CTNNA3: variants seen among roughly 807,000 people sequenced by gnomAD.
The protein encoded by CTNNA3 is catenin alpha-3.
A neutral mutation model predicts 95.7 loss-of-function variants in CTNNA3; 76 were observed. The observed-to-expected ratio is 0.79, with a 90% confidence interval of 0.66 to 0.96. The LOEUF is 0.96. Ranked by LOEUF, CTNNA3 falls within the 40% of genes least tolerant of loss-of-function variation. The pLI is 0.00. For missense variants in CTNNA3, 1,191 were observed against 1,089.8 expected (o/e 1.09, Z -1.31); for synonymous variants, 431 against 374.4 (o/e 1.15, Z -1.74).
intron 5 of CTNNA3, among the ~76,000 whole-genome samples, chr10:67,429,936 C>T (rs1162838525): frequency 6.6e-5 from 10 of 151,884 alleles, no homozygotes. Flanking sequence ...CTCTCTCACT[C>T]GACACAAACC....
At chr10:66,650,897 G>C (rs1294411261) in intron 9 of CTNNA3, among the ~76,000 whole-genome samples, 4 of 152,166 alleles carry the variant, frequency 2.6e-5, no homozygotes, top group Non-Finnish European at 5.9e-5. Flanking sequence ...AAAGAACAAG[G>C]CTTCCACAGC....
intron 7 of CTNNA3, among the ~76,000 whole-genome samples, chr10:67,148,100 T>C (rs1366015405): frequency 1.3e-5 from 2 of 152,156 alleles, no homozygotes; most frequent in Non-Finnish European, 2.9e-5. Context: ...GTTCCATTAA[T>C]TATCACTTGC....
chr10:67,338,410 C>T (rs1375990349), intron 5 of CTNNA3, among the ~76,000 whole-genome samples: 1 of 152,060 alleles, frequency 6.6e-6, no homozygotes, highest in Non-Finnish European at 1.5e-5. Context: ...GAGGGACCTG[C>T]CCCCATGATC....
chr10:66,389,460 A>G (rs1228359685), intron 11 of CTNNA3, among the ~76,000 whole-genome samples: 1 of 152,100 alleles, frequency 6.6e-6, no homozygotes, highest in African/African-American at 2.4e-5. Flanking sequence ...AGAGCAGACA[A>G]TTGGTGAATT....
In CTNNA3 at chr10:65,920,283, G is replaced by C; in HGVS notation, c.*47C>G. On this transcript the variant is annotated 3_prime_UTR_variant, in exon 18 of 18. Coordinates refer to ENST00000433211, the MANE Select transcript of CTNNA3 (RefSeq NM_013266.4). ...CTTAAGTGTAAAATAAAGCAGTGTG[G>C]TTAGGCAGGATTTTGTCATATAGGC... The C allele has an allele frequency of 6.7e-7, 1 of 1,496,532 alleles. No homozygotes were observed. The highest frequency in any genetic ancestry group is 1.4e-5 in the African/African-American group (1 of 71,596). 92.7% of individuals were successfully genotyped at this position (1,496,532 alleles called of 1,614,324 possible). A position where few individuals can be genotyped will look rare whatever the true frequency, so the allele number is the denominator to read the frequency against.
intron 7 of CTNNA3, among the ~76,000 whole-genome samples, chr10:66,814,676 A>G (rs1385446265): frequency 1.3e-5 from 2 of 151,988 alleles, no homozygotes; most frequent in Non-Finnish European, 2.9e-5. Context: ...AGGTGGGAGT[A>G]TTGCTTGAGC....
At chr10:67,337,110 C>A (rs1842023284) in intron 5 of CTNNA3, among the ~76,000 whole-genome samples, 1 of 152,044 alleles carries the variant, frequency 6.6e-6, no homozygotes, top group Admixed American at 6.6e-5. Flanking sequence ...ATAGTAATTC[C>A]TATGATGGAC....
At chr10:66,474,043 T>C (rs945285491) in intron 11 of CTNNA3, among the ~76,000 whole-genome samples, 3 of 151,622 alleles carry the variant, frequency 2.0e-5, no homozygotes, top group East Asian at 1.9e-4. Context: ...TAAAGGGATG[T>C]TATAGCAGTG....
At chr10:66,501,728 C>T (rs1840284524) in intron 11 of CTNNA3, among the ~76,000 whole-genome samples, 1 of 152,082 alleles carries the variant, frequency 6.6e-6, no homozygotes, top group Non-Finnish European at 1.5e-5. Context: ...TTCATATACT[C>T]AGAGTAAGAA....
intron 11 of CTNNA3, among the ~76,000 whole-genome samples, chr10:66,496,012 GACA>G (rs1484615171): frequency 6.6e-6 from 1 of 152,070 alleles, no homozygotes; most frequent in Non-Finnish European, 1.5e-5. Context: ...ATGCAGTAAT[GACA>G]ACAATCTAAG....
At chr10:66,335,104 C>T (rs2132334448) in intron 12 of CTNNA3, among the ~76,000 whole-genome samples, 1 of 152,194 alleles carries the variant, frequency 6.6e-6, no homozygotes, top group Non-Finnish European at 1.5e-5. Context: ...GACTTCTCTG[C>T]ATTGGTTATT....
At chr10:66,499,865 C>T (rs1236930874) in intron 11 of CTNNA3, among the ~76,000 whole-genome samples, 2 of 149,764 alleles carry the variant, frequency 1.3e-5, no homozygotes, top group Admixed American at 1.3e-4. Context: ...TGCAGTGGCA[C>T]GATCTCCGCT....
intron 7 of CTNNA3, among the ~76,000 whole-genome samples, chr10:66,840,511 AC>A (rs1449195150): frequency 6.6e-6 from 1 of 152,006 alleles, no homozygotes; most frequent in Non-Finnish European, 1.5e-5. Flanking sequence ...TATTCTCAGC[AC>A]CTGATGTACC....
At chr10:66,278,970 A>T in intron 13 of CTNNA3, among the ~76,000 whole-genome samples, 1 of 152,218 alleles carries the variant, frequency 6.6e-6, no homozygotes, top group African/African-American at 2.4e-5. Flanking sequence ...CTGCCCAGAC[A>T]TAGTCATTGG....
At chr10:67,467,509 T>C (rs1447101003) in intron 5 of CTNNA3, among the ~76,000 whole-genome samples, 2 of 152,146 alleles carry the variant, frequency 1.3e-5, no homozygotes, top group Non-Finnish European at 2.9e-5. Flanking sequence ...CTAGGCATCA[T>C]TTCACACATC....
chr10:67,468,595 C>G (rs149858402), intron 5 of CTNNA3, among the ~76,000 whole-genome samples: 1 of 152,206 alleles, frequency 6.6e-6, no homozygotes, highest in African/African-American at 2.4e-5. Context: ...TACAAGCCTT[C>G]TAACTAGTTC....
chr10:66,849,355 T>C (rs1843396824), intron 7 of CTNNA3, among the ~76,000 whole-genome samples: 1 of 152,190 alleles, frequency 6.6e-6, no homozygotes, highest in Non-Finnish European at 1.5e-5. Context: ...GTTAATGTGC[T>C]TTTAAATTTT....
chr10:67,003,315 A>C, intron 7 of CTNNA3, among the ~76,000 whole-genome samples: 1 of 152,142 alleles, frequency 6.6e-6, no homozygotes, highest in East Asian at 1.9e-4. Flanking sequence ...CTTTAACCCT[A>C]ATACTGAGTA....
intron 13 of CTNNA3, among the ~76,000 whole-genome samples, chr10:66,273,585 A>G (rs1165355258): frequency 3.3e-5 from 5 of 152,196 alleles, no homozygotes; most frequent in African/African-American, 1.2e-4. Flanking sequence ...TTAAAAATTG[A>G]GTTTCAAAAC....
Sources: gnomAD v4.1 joint callset for allele counts (sites outside exome capture counted in the v4.1 genomes callset) on GRCh38, gnomAD v4.1.1 for gene constraint, MANE v1.5 for transcripts, NCBI Gene and HGNC (gene_info 2026-07-23, HGNC 2026-07-21) for gene names.